The following CPVL variants were observed in gnomAD, a reference collection of about 807,000 sequenced individuals.
CPVL encodes carboxypeptidase vitellogenic like.
CPVL carries 51 observed loss-of-function variants against 63.7 expected under a neutral mutation model. The ratio of observed to expected loss-of-function variants is 0.80; its 90% confidence interval spans 0.64 to 1.01. CPVL has a LOEUF of 1.01. Among genes scored for constraint, CPVL ranks in the 50% least tolerant of loss-of-function variants. The probability of loss-of-function intolerance (pLI) is 0.00; values close to 1 mark genes in which losing one functional copy is unlikely to be tolerated. For synonymous variants in CPVL, 195 were observed against 206.0 expected, an observed-to-expected ratio of 0.95 and a Z score of 0.46; for missense variants, 530 against 573.1, an observed-to-expected ratio of 0.92 and a Z score of 0.77.
intron 3 of CPVL, among the ~76,000 whole-genome samples, chr7:29,103,180 TG>T (rs10568146): frequency 0.038 from 2,120 of 56,138 alleles, 110 homozygotes; most frequent in African/African-American, 0.095. Flanking sequence ...GTTAATATAC[TG>T]GGGGGGGGGG....
intron 5 of CPVL, among the ~76,000 whole-genome samples, chr7:29,157,573 A>G (rs1794578764): frequency 6.6e-6 from 1 of 152,214 alleles, no homozygotes; most frequent in South Asian, 2.1e-4. Flanking sequence ...GTATGAAAAT[A>G]TCACCCTATG....
chr7:29,166,914 T>C (rs918877114), intron 5 of CPVL, among the ~76,000 whole-genome samples: 1 of 152,192 alleles, frequency 6.6e-6, no homozygotes, highest in Non-Finnish European at 1.5e-5. Flanking sequence ...CTACTAGTTC[T>C]ACTATCTGTG....
intron 11 of CPVL, among the ~76,000 whole-genome samples, chr7:29,053,645 TG>T (rs1355821008): frequency 6.6e-6 from 1 of 152,022 alleles, no homozygotes; most frequent in East Asian, 1.9e-4. Context: ...GTGATGAAGA[TG>T]TTCAGAAATT....
intron 1 of CPVL, among the ~76,000 whole-genome samples, chr7:29,131,695 T>C (rs773618870): frequency 4.6e-5 from 7 of 152,216 alleles, no homozygotes; most frequent in Non-Finnish European, 2.9e-5. Flanking sequence ...GTACTTTTTG[T>C]AGAAATGGAA....
chr7:29,132,124 C>A (rs1790762214), intron 1 of CPVL, among the ~76,000 whole-genome samples: 1 of 152,070 alleles, frequency 6.6e-6, no homozygotes, highest in South Asian at 2.1e-4. Flanking sequence ...TCAGGGAAGG[C>A]CCCCCTGAGT....
intron 11 of CPVL, among the ~76,000 whole-genome samples, chr7:29,033,821 T>G (rs1038409751): frequency 6.6e-6 from 1 of 152,202 alleles, no homozygotes; most frequent in Non-Finnish European, 1.5e-5. Context: ...GCAAAGCCAC[T>G]GCTTTTAGAG....
chr7:29,174,860 TAA>T (rs766262407), intron 5 of CPVL, among the ~76,000 whole-genome samples: 46 of 74,086 alleles, frequency 6.2e-4, no homozygotes, highest in Admixed American at 5.5e-4. Flanking sequence ...AAACTCCATC[TAA>T]AAAAAAAAAA....
intron 5 of CPVL, among the ~76,000 whole-genome samples, chr7:29,155,006 G>T (rs1232166850): frequency 6.6e-6 from 1 of 152,196 alleles, no homozygotes; most frequent in East Asian, 1.9e-4. Context: ...GCAAAGAGAA[G>T]GGTGCTTGTG....
At chr7:29,177,660 A>G (rs1278751459) in intron 5 of CPVL, among the ~76,000 whole-genome samples, 1 of 149,094 alleles carries the variant, frequency 6.7e-6, no homozygotes, top group African/African-American at 2.5e-5. Flanking sequence ...ATCTATTAAT[A>G]TCTACCTATT....
At chr7:29,106,885 C>T (rs557389627) in intron 3 of CPVL, among the ~76,000 whole-genome samples, 1 of 152,168 alleles carries the variant, frequency 6.6e-6, no homozygotes, top group Admixed American at 6.5e-5. Context: ...AATTTTTGAT[C>T]TCTCGGGATT....
At chr7:29,110,805 G>A (rs1308161733) in intron 3 of CPVL, among the ~76,000 whole-genome samples, 1 of 152,182 alleles carries the variant, frequency 6.6e-6, no homozygotes, top group East Asian at 1.9e-4. Context: ...TATCCAGGTG[G>A]CCCAAATGTC....
chr7:29,042,233 G>C (rs989851), intron 11 of CPVL, among the ~76,000 whole-genome samples: 79,587 of 152,014 alleles, frequency 0.52, 23,035 homozygotes, highest in Non-Finnish European at 0.65. Context: ...GGAACTATGG[G>C]AAAACCTGCT....
chr7:29,023,043 G>A (rs773826325), intron 12 of CPVL, among the ~76,000 whole-genome samples: 1 of 152,202 alleles, frequency 6.6e-6, no homozygotes, highest in Non-Finnish European at 1.5e-5. Flanking sequence ...CAAGTTTGCT[G>A]CCATCAGTGC....
intron 12 of CPVL, among the ~76,000 whole-genome samples, chr7:29,003,730 G>A (rs1050798530): frequency 3.3e-5 from 5 of 152,300 alleles, no homozygotes; most frequent in South Asian, 2.1e-4. Context: ...TGTGGGAGAC[G>A]GTTTTTCCAT....
At chr7:29,089,557 T>C (rs1785557399) in intron 6 of CPVL, among the ~76,000 whole-genome samples, 1 of 152,146 alleles carries the variant, frequency 6.6e-6, no homozygotes, top group African/African-American at 2.4e-5. Context: ...GAAGCAGCTT[T>C]CCATAAGACA....
chr7:29,146,442 T>G lies in CPVL; in HGVS notation c.-24A>C. On this transcript the variant is annotated 5_prime_UTR_variant, in exon 1 of 13. Coordinates refer to ENST00000265394, the MANE Select transcript of CPVL (RefSeq NM_031311.5). ...GGCGGCACTTACGCGGCGCAGTCGG[T>G]GCTCCTCCCTGAGCCGCGGCGCGCA... The G allele has an allele frequency of 7.8e-7, 1 of 1,275,566 alleles. No homozygotes were observed. The highest frequency in any genetic ancestry group is 1.5e-5 in the African/African-American group (1 of 66,430). 79.0% of individuals were successfully genotyped at this position (1,275,566 alleles called of 1,614,324 possible). A position where few individuals can be genotyped will look rare whatever the true frequency, so the allele number is the denominator to read the frequency against.
chr7:29,010,332 C>T (rs1430440385), intron 12 of CPVL: 1 of 150,220 alleles, frequency 6.7e-6, no homozygotes, highest in African/African-American at 2.5e-5. Context: ...TCCTGTCTTC[C>T]ATATGTTAGA....
chr7:29,028,728 G>T (rs918809281), intron 12 of CPVL, among the ~76,000 whole-genome samples: 25 of 147,220 alleles, frequency 1.7e-4, no homozygotes, highest in Admixed American at 6.7e-5. Context: ...ACCTGGGGAG[G>T]CCAAGGTGGG....
chr7:29,149,492 C>T (rs1196107737), upstream of CPVL, among the ~76,000 whole-genome samples: 1 of 152,004 alleles, frequency 6.6e-6, no homozygotes, highest in Non-Finnish European at 1.5e-5. Context: ...CCGTGCCCAG[C>T]CTGGAAATCC....
Sources: gnomAD v4.1 joint callset for allele counts (sites outside exome capture counted in the v4.1 genomes callset) on GRCh38, gnomAD v4.1.1 for gene constraint, MANE v1.5 for transcripts, NCBI Gene and HGNC (gene_info 2026-07-23, HGNC 2026-07-21) for gene names.